MRS2: variants seen among roughly 807,000 people sequenced by gnomAD.
The protein encoded by MRS2 is magnesium transporter MRS2 homolog, mitochondrial.
In MRS2, 40 loss-of-function variants were observed where a neutral mutation model predicts 52.6. The observed-to-expected ratio is 0.76, with a 90% CI of 0.59 to 0.99. The LOEUF (loss-of-function observed/expected upper bound fraction) is 0.99, where lower values mean the gene tolerates loss of function less well. Ranked by LOEUF, MRS2 falls within the 50% of genes least tolerant of loss-of-function variation. The pLI, the probability that MRS2 is intolerant of heterozygous loss-of-function variation, is 0.00. For missense variants in MRS2, 472 were observed against 532.7 expected (o/e 0.89, Z 1.12); for synonymous variants, 193 against 195.9 (o/e 0.98, Z 0.13).
rs1762221336 is a variant in MRS2, at chr6:24,425,947, T to C, written c.*2253T>C. The C allele has an allele frequency of 6.6e-6, 1 of 152,202 alleles. No individual in the cohort carries two copies. The highest frequency in any genetic ancestry group is 2.4e-5 in the African/African-American group (1 of 41,460). The allele number at this position is 152,202 out of a possible 1,614,324, so 9.4% of individuals were successfully genotyped here. On this transcript the variant is annotated 3_prime_UTR_variant, in exon 11 of 11. Coordinates refer to ENST00000378386, the MANE Select transcript of MRS2 (RefSeq NM_020662.4). ...TTGGATTTAACTCTCATGACTTTAGTAATACCTACAGAGGTGAGCTAATGG... is the reference window on the plus strand; with the variant it reads ...TTGGATTTAACTCTCATGACTTTAGCAATACCTACAGAGGTGAGCTAATGG...
intron 2 of MRS2, among the ~76,000 whole-genome samples, chr6:24,405,507 A>T (rs561977492): frequency 6.6e-6 from 1 of 152,012 alleles, no homozygotes; most frequent in Non-Finnish European, 1.5e-5. Context: ...GCTTGAACCT[A>T]TGTTCTGCAA....
In MRS2 at chr6:24,406,305, A is replaced by T. The variant is rs1761474157; in HGVS notation, c.264+1064A>T. Among the ~76,000 whole-genome samples the T allele has an allele frequency of 2.6e-5, 4 of 152,152 alleles. No individual in the cohort carries two copies. In the South Asian group the frequency reaches 8.3e-4, roughly 32 times the overall value. ...ATTAACTCATATATAGAAAGCCCTT[A>T]AACTAGTGCCTCACATATAGTAAGC... On this transcript the variant is annotated intron_variant, in intron 2 of 10. Coordinates refer to ENST00000378386, the MANE Select transcript of MRS2 (RefSeq NM_020662.4).
intron 9 of MRS2, among the ~76,000 whole-genome samples, chr6:24,421,560 T>TAG (rs200318725): frequency 0.12 from 18,466 of 152,242 alleles, 1,469 homozygotes; most frequent in East Asian, 0.15. Context: ...AGAATTTCCA[T>TAG]TTTCTTAAAC....
intron 1 of MRS2, among the ~76,000 whole-genome samples, chr6:24,403,842 G>A (rs1281124603): frequency 6.6e-6 from 1 of 152,126 alleles, no homozygotes; most frequent in African/African-American, 2.4e-5. Flanking sequence ...ACGGAGATTG[G>A]GGACGCACCT....
At chr6:24,412,486 A>C in intron 5 of MRS2, 91 bp downstream of exon 5, 1 of 1,029,520 alleles carries the variant, frequency 9.7e-7, no homozygotes, top group South Asian at 1.9e-5. Flanking sequence ...TTTCAATGGC[A>C]TGTCCCCTGA....
chr6:24,414,576 ATCTC>A lies in MRS2; in HGVS notation c.589-453_589-450del, dbSNP rs779382416. ...TCTACACAGACACAGTAACAATCTG[ATCTC>A]TCTTTCTTTTCTCCACATTTCCCCC... On this transcript the variant is annotated intron_variant, in intron 5 of 10. Coordinates refer to ENST00000378386, the MANE Select transcript of MRS2 (RefSeq NM_020662.4). 2.4e-3 allele frequency among the ~76,000 whole-genome samples: 372 copies of A among 152,226 alleles called. 1 individual carries two copies. Among genetic ancestry groups the A allele is most frequent in the Middle Eastern group, 6.8e-3 (2 of 294 alleles).
chr6:24,421,968 G>GT (rs1683879646), intron 9 of MRS2, among the ~76,000 whole-genome samples: 1 of 152,228 alleles, frequency 6.6e-6, no homozygotes, highest in Admixed American at 6.5e-5. Flanking sequence ...GACCAACATG[G>GT]TGAAACCCCA....
rs1413276419 is a variant in MRS2 at position 24,410,747 on chromosome 6, A to C, written c.414+1174A>C. The C allele has an allele frequency of 2.0e-6, 3 of 1,532,590 alleles. No individual in the cohort carries two copies. In the Admixed American group the frequency reaches 5.9e-5, roughly 30 times the overall value. The allele number at this position is 1,532,590 out of a possible 1,614,324, so 94.9% of individuals were successfully genotyped here. A position where few individuals can be genotyped will look rare whatever the true frequency, so the allele number is the denominator to read the frequency against. On this transcript the variant is annotated intron_variant, in intron 4 of 10. Transcript: ENST00000378386. ...TTCAGAAATATTCTCTACTCTTGGA[A>C]TCAGTAGCTAGCATTCTTCAAAACA...
Position 24,423,754 on chromosome 6 carries a change from CTTT to C in MRS2, c.*63_*65del, listed in dbSNP as rs964329654. 2.3e-5 allele frequency: 17 copies of C among 752,674 alleles called. No homozygotes were observed. The highest frequency in any genetic ancestry group is 3.2e-5 in the Non-Finnish European group (15 of 462,760). The allele number at this position is 752,674 out of a possible 1,614,324, so 46.6% of individuals were successfully genotyped here. A position where few individuals can be genotyped will look rare whatever the true frequency, so the allele number is the denominator to read the frequency against. ...GTAGTTACAGGAAACTTCTGATACT[CTTT>C]TTATTATTTTCTTGTATAGAGTCAG... is the stretch of plus-strand genomic sequence containing the variant. On this transcript the variant is annotated 3_prime_UTR_variant, in exon 11 of 11. Coordinates refer to ENST00000378386, the MANE Select transcript of MRS2 (RefSeq NM_020662.4).
intron 5 of MRS2, among the ~76,000 whole-genome samples, chr6:24,414,740 C>G (rs1454641276): frequency 6.6e-6 from 1 of 152,152 alleles, no homozygotes; most frequent in South Asian, 2.1e-4. Flanking sequence ...CAGAGGTGCC[C>G]CTCACCTCCC....
chr6:24,413,482 C>T (rs1030704047), intron 5 of MRS2, among the ~76,000 whole-genome samples: 5 of 152,192 alleles, frequency 3.3e-5, no homozygotes, highest in Admixed American at 6.5e-5. Context: ...CCTAAGGGAC[C>T]AAGACATACC....
Position 24,415,197 on chromosome 6 carries a change from G to C in MRS2, c.719+34G>C, listed in dbSNP as rs751442331. ...GGATGATGTATCACATTGGGAGTTG[G>C]AGACAAATATCTTAAAATCAATTAT... On this transcript the variant is annotated intron_variant, in intron 6 of 10. Transcript: ENST00000378386. The C allele has an allele frequency of 2.7e-6, 4 of 1,491,582 alleles. No homozygotes were observed. In the African/African-American group the frequency reaches 4.1e-5, roughly 15 times the overall value. 92.4% of individuals were successfully genotyped at this position (1,491,582 alleles called of 1,614,324 possible).
intron 9 of MRS2, chr6:24,418,840 A>G: frequency 3.1e-6 from 1 of 325,166 alleles, no homozygotes. Context: ...CGGAGGTTGC[A>G]GTGAGCTGAG....
At chr6:24,416,130 C>T (rs1330114884) in intron 6 of MRS2, among the ~76,000 whole-genome samples, 1 of 152,080 alleles carries the variant, frequency 6.6e-6, no homozygotes, top group Non-Finnish European at 1.5e-5. Flanking sequence ...TCACTGTTGT[C>T]CAGGAGGGTC....
intron 4 of MRS2, among the ~76,000 whole-genome samples, 189 bp downstream of exon 4, chr6:24,409,762 T>C (rs529865711): frequency 2.6e-5 from 4 of 152,350 alleles, no homozygotes; most frequent in Non-Finnish European, 5.9e-5. Flanking sequence ...TATGCACATG[T>C]TCAATAGGCA....
At position 24,418,581 on chromosome 6, in the gene MRS2, G is replaced by GAGAATGT; in HGVS notation, c.1107+5_1107+11dup. 6.3e-7 allele frequency: 1 copy of GAGAATGT among 1,599,470 alleles called. No homozygotes were observed. Among genetic ancestry groups the GAGAATGT allele is most frequent in the Non-Finnish European group, 8.6e-7 (1 of 1,166,964 alleles). ...ATTTGGAATCTTCCCTTGAAGAGGT[G>GAGAATGT]AGAATGTATTATTATTTCTAAAACT... On this transcript the variant is annotated splice_donor_region_variant and intron_variant, in intron 9 of 10. Transcript: ENST00000378386.
At chr6:24,409,194 T>C (rs1761571316) in intron 3 of MRS2, among the ~76,000 whole-genome samples, 1 of 152,236 alleles carries the variant, frequency 6.6e-6, no homozygotes, top group Non-Finnish European at 1.5e-5. Context: ...GTTCTAATGA[T>C]GCATAGTTGT....
At chr6:24,412,492 C>A in intron 5 of MRS2, 97 bp downstream of exon 5, 1 of 901,140 alleles carries the variant, frequency 1.1e-6, no homozygotes, top group East Asian at 2.7e-5. Flanking sequence ...TGGCATGTCC[C>A]CTGACCACAT....
Position 24,412,386 on chromosome 6 carries a change from G to C in MRS2, c.579G>C (p.Leu193=). The part of the protein sequence containing the change: ...PFEFRAIEAL[L]QYWINTLQGK... ...AGTTTAGAGCTATAGAAGCACTCCT[G>C]CAATATTGGGTAAGTCTGTTTTTAT... The change falls in exon 5 of 11, where the codon CTG becomes CTC. Residue 193 remains leucine (L), a synonymous_variant. Transcript: ENST00000378386. 2 of 1,547,992 alleles carry C rather than the reference G, an allele frequency of 1.3e-6. No homozygotes were observed. Among genetic ancestry groups the C allele is most frequent in the Non-Finnish European group, 1.7e-6 (2 of 1,150,486 alleles).
Sources: gnomAD v4.1 joint callset for allele counts (sites outside exome capture counted in the v4.1 genomes callset) on GRCh38, gnomAD v4.1.1 for gene constraint, MANE v1.5 for transcripts, NCBI Gene and HGNC (gene_info 2026-07-23, HGNC 2026-07-21) for gene names.